Variants in CFI observed in about 807,000 individuals in gnomAD.
CFI encodes C3B/C4B inactivator.
CFI carries 66 observed loss-of-function variants against 78.8 expected under a neutral mutation model. That is an observed-to-expected ratio of 0.84 (90% CI 0.69 to 1.03). CFI has a LOEUF of 1.03. Ranked by LOEUF, CFI falls within the 50% of genes least tolerant of loss-of-function variation. The pLI is 0.00. For missense variants in CFI, 706 were observed against 704.5 expected, an observed-to-expected ratio of 1.00 and a Z score of -0.02; for synonymous variants, 250 against 232.6, an observed-to-expected ratio of 1.07 and a Z score of -0.68.
intron 7 of CFI, 21 bp downstream of exon 7, chr4:109,757,742 A>G (rs1380959142): frequency 8.6e-6 from 12 of 1,397,094 alleles, no homozygotes; most frequent in African/African-American, 2.8e-5. Context: ...TAATATCCCC[A>G]AATTTTAATA....
intron 7 of CFI, among the ~76,000 whole-genome samples, chr4:109,756,802 T>A (rs1361270429): frequency 6.7e-6 from 1 of 149,632 alleles, no homozygotes; most frequent in Non-Finnish European, 1.5e-5. Flanking sequence ...GAGGTTGCAG[T>A]GAGCCGAGAT....
intron 3 of CFI, chr4:109,762,428 A>G (rs1460912415): frequency 6.6e-6 from 1 of 152,224 alleles, no homozygotes; most frequent in Non-Finnish European, 1.5e-5. Flanking sequence ...CAATTTGCTC[A>G]GAATTTGTGA....
At chr4:109,771,404 A>AT (rs1728569162) in intron 1 of CFI, among the ~76,000 whole-genome samples, 1 of 145,910 alleles carries the variant, frequency 6.9e-6, no homozygotes, top group African/African-American at 2.6e-5. Context: ...TAAAAATAAA[A>AT]AAAAAAATCA....
intron 1 of CFI, among the ~76,000 whole-genome samples, chr4:109,778,839 A>G (rs1406094447): frequency 6.6e-6 from 1 of 152,220 alleles, no homozygotes; most frequent in Non-Finnish European, 1.5e-5. Flanking sequence ...ATGCAAATCA[A>G]TAAACGTAAT....
At position 109,749,224 on chromosome 4, in the gene CFI, C is replaced by A; in HGVS notation, c.1142G>T (p.Cys381Phe). 1 of 1,613,674 alleles carries A rather than the reference C, an allele frequency of 6.2e-7. No individual in the cohort carries two copies. The highest frequency in any genetic ancestry group is 8.5e-7 in the Non-Finnish European group (1 of 1,179,552). Residue 381 changes from cysteine (C) to phenylalanine (F), a missense_variant, in exon 10 of 13, where the codon TGT becomes TTT. Physicochemically the swap from Cys to Phe is radical, Grantham distance 205 (BLOSUM62 -2). Coordinates refer to ENST00000394634, the MANE Select transcript of CFI (RefSeq NM_000204.5). ...GGCWILTAAH[C>F]LRASKTHRYQ... Reference sequence around the variant, plus strand: ...TACTGAAGACATCTTTTACCTGAGACAATGTGCAGCAGTCAGAATCCAACA... The same window carrying A: ...TACTGAAGACATCTTTTACCTGAGAAAATGTGCAGCAGTCAGAATCCAACA...
chr4:109,786,066 G>T (rs1730699708), intron 1 of CFI, among the ~76,000 whole-genome samples: 1 of 151,792 alleles, frequency 6.6e-6, no homozygotes, highest in Non-Finnish European at 1.5e-5. Context: ...AAAAACCAAA[G>T]TCTAGCTCTG....
chr4:109,778,209 A>G (rs1056690588), intron 1 of CFI, among the ~76,000 whole-genome samples: 3 of 152,184 alleles, frequency 2.0e-5, no homozygotes, highest in Non-Finnish European at 1.5e-5. Context: ...TTTTTTGAAA[A>G]GATCAACAAA....
At chr4:109,773,817 A>G (rs1334764136) in intron 1 of CFI, among the ~76,000 whole-genome samples, 1 of 152,226 alleles carries the variant, frequency 6.6e-6, no homozygotes, top group Non-Finnish European at 1.5e-5. Flanking sequence ...GAGGCGCATC[A>G]TCCTACAAAT....
intron 7 of CFI, among the ~76,000 whole-genome samples, chr4:109,754,475 G>A (rs1221748030): frequency 6.8e-6 from 1 of 146,300 alleles, no homozygotes. Flanking sequence ...TATACCAGAT[G>A]TTTTCATCTT....
intron 1 of CFI, among the ~76,000 whole-genome samples, chr4:109,776,612 A>G (rs1162076035): frequency 6.6e-6 from 1 of 152,224 alleles, no homozygotes; most frequent in East Asian, 1.9e-4. Flanking sequence ...AATTCAGGAA[A>G]TACAGAGAAT....
chr4:109,798,709 G>GC (rs976427646), intron 1 of CFI, among the ~76,000 whole-genome samples: 2 of 151,498 alleles, frequency 1.3e-5, no homozygotes, highest in African/African-American at 4.9e-5. Flanking sequence ...TCTTCCTTCT[G>GC]CTTGGGGTTT....
chr4:109,752,220 TTGGAGTATTGTTTTCATTTCAAAA>T (rs1725232037), intron 8 of CFI, among the ~76,000 whole-genome samples: 1 of 152,220 alleles, frequency 6.6e-6, no homozygotes. Context: ...TTATGTATGA[TTGGAGTATTGTTTTCATTTCAAAA>T]TTAGCCATAT....
intron 1 of CFI, among the ~76,000 whole-genome samples, chr4:109,783,813 A>ATATATATATATATATATATATATATATC (rs1730377017): frequency 1.1e-5 from 1 of 93,922 alleles, no homozygotes; most frequent in African/African-American, 5.2e-5. Context: ...AGAAACTGTG[A>ATATATATATATATATATATATATATATC]TATATATATA....
At chr4:109,777,609 A>G (rs1331338482) in intron 1 of CFI, among the ~76,000 whole-genome samples, 2 of 152,204 alleles carry the variant, frequency 1.3e-5, no homozygotes, top group Admixed American at 6.5e-5. Context: ...CAGGAATTGA[A>G]CTCAGCTCTG....
At chr4:109,780,526 G>A (rs1356497493) in intron 1 of CFI, among the ~76,000 whole-genome samples, 2 of 152,128 alleles carry the variant, frequency 1.3e-5, no homozygotes, top group Non-Finnish European at 2.9e-5. Flanking sequence ...TGGAGAAATA[G>A]GAACGCTTTT....
rs1724448851 is a variant in CFI, at chr4:109,746,408, T to C, written c.1243A>G (p.Ile415Val). 1 of 1,614,118 alleles carries C rather than the reference T, an allele frequency of 6.2e-7. No homozygotes were observed. The highest frequency in any genetic ancestry group is 1.7e-5 in the Admixed American group (1 of 60,008). ...GCATTGTAGTTTTCATGGAAAATAATTCTATCCACGTATTCAATTACTATA... is the reference window on the plus strand; with the variant it reads ...GCATTGTAGTTTTCATGGAAAATAACTCTATCCACGTATTCAATTACTATA... ...KRIVIEYVDR[I>V]IFHENYNAGT... The change falls in exon 11 of 13, where the codon ATT (isoleucine) becomes GTT (valine). Residue 415 changes from isoleucine to valine, a missense_variant. Ile to Val is a conservative substitution (Grantham distance 29, BLOSUM62 3). Coordinates refer to ENST00000394634, the MANE Select transcript of CFI (RefSeq NM_000204.5).
the CFI span, among the ~76,000 whole-genome samples, chr4:109,735,589 G>T: frequency 1.3e-5 from 2 of 152,154 alleles, no homozygotes; most frequent in Non-Finnish European, 2.9e-5. Context: ...GAAAATAAAA[G>T]CCACGTGGTG....
At chr4:109,798,002 T>C (rs1732274196) in intron 1 of CFI, among the ~76,000 whole-genome samples, 2 of 152,120 alleles carry the variant, frequency 1.3e-5, no homozygotes, top group South Asian at 4.1e-4. Context: ...TATTTGGCCT[T>C]AAAAAAGAAG....
chr4:109,758,308 C>T (rs1435903928), intron 6 of CFI, among the ~76,000 whole-genome samples: 2 of 151,794 alleles, frequency 1.3e-5, no homozygotes, highest in Non-Finnish European at 2.9e-5. Flanking sequence ...AACCCCACCA[C>T]CTAGAGCAGG....
Sources: gnomAD v4.1 joint callset for allele counts (sites outside exome capture counted in the v4.1 genomes callset) on GRCh38, gnomAD v4.1.1 for gene constraint, MANE v1.5 for transcripts, NCBI Gene and HGNC (gene_info 2026-07-23, HGNC 2026-07-21) for gene names.